PCDHA6: variants seen among roughly 807,000 people sequenced by gnomAD.
PCDHA6 encodes the protein protocadherin alpha 6, also known as protocadherin alpha-6.
PCDHA6 carries 55 observed loss-of-function variants against 60.3 expected under a neutral mutation model. The observed-to-expected ratio is 0.91, with a 90% CI of 0.73 to 1.14. The LOEUF (loss-of-function observed/expected upper bound fraction) is 1.14. Among genes scored for constraint, PCDHA6 ranks in the 50% most tolerant of loss-of-function variants. The pLI is 0.00. For missense variants in PCDHA6, 1,327 were observed against 1,256.5 expected (o/e 1.06, Z -0.85); for synonymous variants, 652 against 557.9 (o/e 1.17, Z -2.38).
At chr5:140,990,097 T>C (rs2097373826) in intron 3 of PCDHA6, among the ~76,000 whole-genome samples, 1 of 151,922 alleles carries the variant, frequency 6.6e-6, no homozygotes, top group African/African-American at 2.4e-5. Flanking sequence ...GTGCTACTAT[T>C]GAAACAGGAA....
At chr5:140,841,772 C>G (rs1359107093) in intron 1 of PCDHA6, 2 of 1,613,876 alleles carry the variant, frequency 1.2e-6, no homozygotes, top group Admixed American at 3.3e-5. Flanking sequence ...GCCAGACTCT[C>G]GGTTTCCGCT....
At chr5:140,865,298 C>T (rs1213333279) in intron 1 of PCDHA6, 2 of 152,028 alleles carry the variant, frequency 1.3e-5, no homozygotes, top group Non-Finnish European at 2.9e-5. Flanking sequence ...CTTTTTGGCT[C>T]TAATTACAAA....
intron 1 of PCDHA6, chr5:140,870,008 G>A (rs2051578395): frequency 1.2e-6 from 2 of 1,613,528 alleles, no homozygotes; most frequent in Non-Finnish European, 1.7e-6. Flanking sequence ...GGAGAAGTGA[G>A]GGTCAATGGA....
chr5:140,953,601 C>T (rs1448878513), intron 1 of PCDHA6, among the ~76,000 whole-genome samples: 3 of 152,014 alleles, frequency 2.0e-5, no homozygotes, highest in Non-Finnish European at 4.4e-5. Flanking sequence ...TTGTTTATTC[C>T]CCAGAGTCCT....
At chr5:140,891,698 T>C (rs2063212804) in intron 1 of PCDHA6, among the ~76,000 whole-genome samples, 1 of 152,258 alleles carries the variant, frequency 6.6e-6, no homozygotes, top group Non-Finnish European at 1.5e-5. Context: ...TGCTGTTGTC[T>C]GAATTTGTAC....
At chr5:140,925,236 T>C (rs1398147161) in intron 1 of PCDHA6, among the ~76,000 whole-genome samples, 1 of 152,202 alleles carries the variant, frequency 6.6e-6, no homozygotes, top group African/African-American at 2.4e-5. Context: ...TACCAGAAAA[T>C]ATGTCCTGGA....
chr5:140,888,583 G>C (rs2061886743), intron 1 of PCDHA6, among the ~76,000 whole-genome samples: 1 of 152,184 alleles, frequency 6.6e-6, no homozygotes, highest in African/African-American at 2.4e-5. Flanking sequence ...AGATTTGTTA[G>C]TACACATTCA....
chr5:140,873,437 T>C (rs1554166716), intron 1 of PCDHA6, among the ~76,000 whole-genome samples: 1 of 152,200 alleles, frequency 6.6e-6, no homozygotes, highest in Non-Finnish European at 1.5e-5. Flanking sequence ...TTATATCACA[T>C]AAATAACAAA....
At chr5:140,941,563 C>T (rs2093116700) in intron 1 of PCDHA6, among the ~76,000 whole-genome samples, 1 of 151,946 alleles carries the variant, frequency 6.6e-6, no homozygotes, top group Admixed American at 6.6e-5. Context: ...GATCCATTCG[C>T]CTCAGCCTCC....
At position 140,927,248 on chromosome 5, in the gene PCDHA6, A is replaced by T. The variant is rs572200211; in HGVS notation, c.2395-51701A>T. On this transcript the variant is annotated intron_variant, in intron 1 of 3. Transcript: ENST00000529310. The stretch of plus-strand genomic sequence containing the variant: ...CGGATTCACGTCCTGGACACCAATG[A>T]CAACTCACCTCTCTTTCCTGCCGGC... 3.5e-5 allele frequency: 56 copies of T among 1,614,064 alleles called. No homozygotes were observed. The South Asian group carries it at 5.7e-4, about 16-fold the overall frequency.
At chr5:140,929,319 T>C in intron 1 of PCDHA6, 1 of 1,545,486 alleles carries the variant, frequency 6.5e-7, no homozygotes, top group Non-Finnish European at 8.7e-7. Flanking sequence ...CTAATGTCAA[T>C]GCCATGGTAA....
At chr5:140,853,957 G>C in intron 1 of PCDHA6, 1 of 736,982 alleles carries the variant, frequency 1.4e-6, no homozygotes. Flanking sequence ...TCCCTTCCTT[G>C]AGCCCAGCAG....
At chr5:140,896,572 T>C (rs1208639295) in intron 1 of PCDHA6, among the ~76,000 whole-genome samples, 5 of 152,002 alleles carry the variant, frequency 3.3e-5, no homozygotes, top group Admixed American at 3.3e-4. Context: ...AGATGGGGTT[T>C]TGACGTGTTG....
chr5:140,969,068 A>C (rs2096293164), intron 1 of PCDHA6: 2 of 1,614,046 alleles, frequency 1.2e-6, no homozygotes, highest in South Asian at 2.2e-5. Flanking sequence ...TGATGCCAGG[A>C]TACCGCATGG....
chr5:140,847,046 G>A (rs1554141633), intron 1 of PCDHA6, among the ~76,000 whole-genome samples: 1 of 149,680 alleles, frequency 6.7e-6, no homozygotes, highest in Non-Finnish European at 1.5e-5. Flanking sequence ...AAGGAAAGTT[G>A]AAGACACAGA....
At chr5:140,858,313 G>C (rs781800844) in intron 1 of PCDHA6, 2 of 1,597,108 alleles carry the variant, frequency 1.3e-6, no homozygotes, top group East Asian at 4.5e-5. Context: ...GGCGGCAGAG[G>C]GTGTGTTCTG....
intron 3 of PCDHA6, among the ~76,000 whole-genome samples, chr5:140,994,116 T>C: frequency 6.6e-6 from 1 of 152,196 alleles, no homozygotes; most frequent in East Asian, 1.9e-4. Context: ...CATTGTCATG[T>C]GATAAGGGCG....
intron 1 of PCDHA6, among the ~76,000 whole-genome samples, chr5:140,960,401 G>C (rs1219932748): frequency 2.0e-5 from 3 of 151,956 alleles, no homozygotes; most frequent in African/African-American, 7.3e-5. Flanking sequence ...TGCAAGGGGG[G>C]GTGCCCAAAA....
intron 1 of PCDHA6, among the ~76,000 whole-genome samples, chr5:140,950,472 T>C (rs782525513): frequency 2.0e-5 from 3 of 152,084 alleles, no homozygotes; most frequent in East Asian, 1.9e-4. Context: ...TCATAGTTTC[T>C]GATGAGAAGT....
Sources: allele counts gnomAD v4.1 joint callset (sites outside exome capture counted in the v4.1 genomes callset), GRCh38; gene constraint gnomAD v4.1.1; transcripts MANE v1.5; gene names NCBI Gene and HGNC (gene_info 2026-07-23, HGNC 2026-07-21).